Variants in AKT1 observed in about 807,000 individuals in gnomAD.
AKT1 encodes the protein RAC-alpha serine/threonine-protein kinase.
A neutral mutation model predicts 63.1 loss-of-function variants in AKT1; 21 were observed. The observed-to-expected ratio is 0.33, with a 90% confidence interval of 0.24 to 0.48. The LOEUF (loss-of-function observed/expected upper bound fraction) is 0.48, where lower values mean the gene tolerates loss of function less well. AKT1 is among the 20% of genes least tolerant of loss of function. The pLI is 0.99. For missense variants in AKT1, 382 were observed against 666.0 expected, an observed-to-expected ratio of 0.57 and a Z score of 4.69; for synonymous variants, 257 against 253.1, an observed-to-expected ratio of 1.02 and a Z score of -0.15.
At chr14:104,786,398 G>C (rs969420050) in intron 3 of AKT1, 12 of 152,258 alleles carry the variant, frequency 7.9e-5, no homozygotes, top group African/African-American at 2.2e-4. Flanking sequence ...CCTCGGGAAA[G>C]GAAGTGGGCA....
Position 104,772,801 on chromosome 14 carries a change from G to C in AKT1, c.1172+77C>G. Reference sequence around the variant, plus strand: ...GTGTAGTCTGGGAGGTGCCAGGACCGCCTGGCGCAGGGGCAGGTGCAGCCT... The same window carrying C: ...GTGTAGTCTGGGAGGTGCCAGGACCCCCTGGCGCAGGGGCAGGTGCAGCCT... On this transcript the variant is annotated intron_variant, in intron 12 of 14. Coordinates refer to ENST00000649815, the MANE Select transcript of AKT1 (RefSeq NM_001382430.1). 2.8e-6 allele frequency: 4 copies of C among 1,449,284 alleles called. No homozygotes were observed. In the South Asian group the frequency reaches 5.1e-5, roughly 19 times the overall value. The allele number at this position is 1,449,284 out of a possible 1,614,324, so 89.8% of individuals were successfully genotyped here.
intron 3 of AKT1, among the ~76,000 whole-genome samples, chr14:104,784,910 G>A (rs1377410084): frequency 3.3e-5 from 5 of 152,232 alleles, no homozygotes; most frequent in African/African-American, 1.2e-4. Context: ...AGGCCACCAC[G>A]TCCTCAGCTC....
chr14:104,770,696 G>C (rs1344132804), intron 14 of AKT1, 49 bp downstream of exon 14: 3 of 1,503,290 alleles, frequency 2.0e-6, no homozygotes, highest in African/African-American at 1.4e-5. Context: ...AGGCCTCTCT[G>C]AGTGTGGAGA....
intron 3 of AKT1, among the ~76,000 whole-genome samples, chr14:104,788,838 G>A (rs1893472591): frequency 6.6e-6 from 1 of 152,164 alleles, no homozygotes; most frequent in Admixed American, 6.5e-5. Context: ...CTGAGGCCTG[G>A]ACTGGGGGGT....
Position 104,795,270 on chromosome 14 carries a change from C to A in AKT1, c.-258+214G>T, listed in dbSNP as rs1173032021. 1.3e-4 allele frequency among the ~76,000 whole-genome samples: 20 copies of A among 151,120 alleles called. No individual in the cohort carries two copies. Among genetic ancestry groups the A allele is most frequent in the South Asian group, 2.1e-4 (1 of 4,830 alleles). ...GAGGGAGGCTGGGGCCGGCAGCCTG[C>A]ACCCCCGGCGCCCGGCGTGGGGCCG... On this transcript the variant is annotated intron_variant, in intron 1 of 14. Coordinates refer to ENST00000649815, the MANE Select transcript of AKT1 (RefSeq NM_001382430.1). This position sits in a 1 kb window ranked among gnomAD's most constrained non-coding sequence, Gnocchi z 5.1.
chr14:104,780,028 CAA>C, intron 4 of AKT1, 58 bp downstream of exon 4: 2 of 1,588,352 alleles, frequency 1.3e-6, no homozygotes, highest in Non-Finnish European at 1.7e-6. Flanking sequence ...GCCTGGTGGG[CAA>C]AGAGGGCTCC....
intron 12 of AKT1, 79 bp downstream of exon 12, chr14:104,772,799 C>T: frequency 7.0e-7 from 1 of 1,437,098 alleles, no homozygotes; most frequent in Non-Finnish European, 9.4e-7. Context: ...GGTGCCAGGA[C>T]CGCCTGGCGC....
chr14:104,776,383 G>C (rs1158414416), intron 5 of AKT1: 2 of 346,860 alleles, frequency 5.8e-6, no homozygotes, highest in Non-Finnish European at 1.1e-5. Flanking sequence ...CTGGTCTCAA[G>C]TGATCTGCGC....
intron 3 of AKT1, among the ~76,000 whole-genome samples, chr14:104,790,568 T>TC (rs1170162945): frequency 6.6e-6 from 1 of 152,104 alleles, no homozygotes; most frequent in African/African-American, 2.4e-5. Flanking sequence ...CAGGCTTTCC[T>TC]CCGCAAGGAG....
intron 3 of AKT1, among the ~76,000 whole-genome samples, chr14:104,789,553 T>C (rs992482253): frequency 6.6e-6 from 1 of 152,260 alleles, no homozygotes; most frequent in Non-Finnish European, 1.5e-5. Flanking sequence ...CAGCCAGACC[T>C]GCGCCCTGGC....
At position 104,791,710 on chromosome 14, in the gene AKT1, G is replaced by A. The variant is rs548286588; in HGVS notation, c.46+888C>T. On this transcript the variant is annotated intron_variant, in intron 3 of 14. Transcript: ENST00000649815. ...GTTTGGGGTCTCCCCACTACCAGAT[G>A]TGAAACCCATCTGCTAGAGGGTGTA... Among the ~76,000 whole-genome samples the A allele has an allele frequency of 1.6e-4, 25 of 152,368 alleles. 1 individual carries two copies. The highest frequency in any genetic ancestry group is 5.3e-4 in the African/African-American group (22 of 41,590).
Position 104,795,217 on chromosome 14 carries a change from C to T in AKT1, c.-258+267G>A, listed in dbSNP as rs937204613. Among the ~76,000 whole-genome samples, 7 of 151,820 alleles carry T rather than the reference C, an allele frequency of 4.6e-5. No individual in the cohort carries two copies. Among genetic ancestry groups the T allele is most frequent in the Non-Finnish European group, 1.0e-4 (7 of 67,886 alleles). On this transcript the variant is annotated intron_variant, in intron 1 of 14. Coordinates refer to ENST00000649815, the MANE Select transcript of AKT1 (RefSeq NM_001382430.1). This position sits in a 1 kb window ranked among gnomAD's most constrained non-coding sequence, Gnocchi z 5.1. ...TCCCTTCTCTCGGGTCCCGGCCTCG[C>T]CCGGCGGAGCGGCCTCCCCAAGGTC... is the stretch of plus-strand genomic sequence containing the variant.
intron 3 of AKT1, among the ~76,000 whole-genome samples, chr14:104,791,438 C>T (rs1248407397): frequency 6.6e-6 from 1 of 152,126 alleles, no homozygotes; most frequent in Non-Finnish European, 1.5e-5. Context: ...CCACAGGCGT[C>T]TGCAGCCTCC....
At chr14:104,773,644 C>T in intron 9 of AKT1, 64 bp from the exon 10 acceptor site, 1 of 1,550,108 alleles carries the variant, frequency 6.5e-7, no homozygotes. Context: ...GCCTGCAGGG[C>T]TGGGGTTTCT....
At chr14:104,772,334 G>T (rs748128595) in intron 13 of AKT1, 31 bp downstream of exon 13, 1 of 1,610,566 alleles carries the variant, frequency 6.2e-7, no homozygotes, top group Admixed American at 1.7e-5. Flanking sequence ...GGGAGCATGC[G>T]TGCGCGTGAA....
chr14:104,774,095 G>A, intron 8 of AKT1, 115 bp from the exon 9 acceptor site: 3 of 963,406 alleles, frequency 3.1e-6, no homozygotes, highest in South Asian at 2.8e-5. Flanking sequence ...ACCGCCCGTA[G>A]CCCCACACCA....
rs765537155 is a variant in AKT1, at chr14:104,775,190, C to T, written c.453G>A (p.Glu151=). 1.2e-5 allele frequency: 20 copies of T among 1,614,050 alleles called. No individual in the cohort carries two copies. The highest frequency in any genetic ancestry group is 1.5e-5 in the Non-Finnish European group (18 of 1,180,030). Residue 151 remains glutamate, a synonymous_variant, in exon 7 of 15, where the codon GAG becomes GAA. Transcript: ENST00000649815. ...TGCCCTTGCCCAGCAGCTTCAGGTA[C>T]TCAAACTCGTTCATGGTCTATGGGC... ...PKHRVTMNEF[E]YLKLLGKGTF...
In AKT1 at chr14:104,773,072, G is replaced by A. The variant is rs55874341; in HGVS notation, c.978C>T (p.Tyr326=). 34 of 1,613,900 alleles carry A rather than the reference G, an allele frequency of 2.1e-5. No individual in the cohort carries two copies. The highest frequency in any genetic ancestry group is 2.4e-5 in the Non-Finnish European group (28 of 1,180,008). ...LAPEVLEDND[Y]GRAVDWWGLG... ...GCCCCCACCAGTCCACTGCACGGCC[G>A]TAGTCATTGTCCTCCAGCACCTGCA... The change falls in exon 12 of 15, where the codon TAC becomes TAT. Residue 326 remains tyrosine (Y), a synonymous_variant. Coordinates refer to ENST00000649815, the MANE Select transcript of AKT1 (RefSeq NM_001382430.1).
At chr14:104,779,263 G>A (rs544366304) in intron 4 of AKT1, among the ~76,000 whole-genome samples, 14 of 152,236 alleles carry the variant, frequency 9.2e-5, no homozygotes, top group South Asian at 2.1e-4. Context: ...AAGGTCCCCC[G>A]CTGGCCTTTC....
Sources: allele counts gnomAD v4.1 joint callset (sites outside exome capture counted in the v4.1 genomes callset), GRCh38; gene constraint gnomAD v4.1.1; non-coding constraint Gnocchi (gnomAD v3.1); transcripts MANE v1.5; gene names NCBI Gene and HGNC (gene_info 2026-07-23, HGNC 2026-07-21).